POLR1A: variants seen among roughly 807,000 people sequenced by gnomAD.
POLR1A encodes DNA-directed RNA polymerase I subunit RPA1.
A neutral mutation model predicts 205.3 loss-of-function variants in POLR1A; 84 were observed. The ratio of observed to expected loss-of-function variants is 0.41; its 90% CI spans 0.34 to 0.49. POLR1A has a LOEUF of 0.49. Ranked by LOEUF, POLR1A falls within the 20% of genes least tolerant of loss-of-function variation. The pLI, the probability that POLR1A is intolerant of heterozygous loss-of-function variation, is 0.22. For missense variants in POLR1A, 1,645 were observed against 2,204.5 expected (o/e 0.75, Z 5.08); for synonymous variants, 799 against 863.7 (o/e 0.93, Z 1.31).
chr2:86,040,269 T>C, intron 25 of POLR1A, 123 bp downstream of exon 25: 1 of 779,456 alleles, frequency 1.3e-6, no homozygotes. Flanking sequence ...TGAGACCCTG[T>C]CCCTCTCTCA....
chr2:86,086,979 A>T (rs963779388), intron 6 of POLR1A, among the ~76,000 whole-genome samples: 3 of 152,254 alleles, frequency 2.0e-5, no homozygotes, highest in Admixed American at 6.5e-5. Flanking sequence ...AAAATTAAAA[A>T]GGCTTTCTAA....
In POLR1A at chr2:86,028,940, A is replaced by G. The variant is rs944614720; in HGVS notation, c.4780-229T>C. 2.5e-5 allele frequency: 13 copies of G among 522,092 alleles called. No homozygotes were observed. The highest frequency in any genetic ancestry group is 2.4e-5 in the Non-Finnish European group (7 of 290,020). The allele number at this position is 522,092 out of a possible 1,614,324, so 32.3% of individuals were successfully genotyped here. On this transcript the variant is annotated intron_variant, in intron 31 of 33. Coordinates refer to ENST00000263857, the MANE Select transcript of POLR1A (RefSeq NM_015425.6). The surrounding 1 kb of genome is among the most constrained non-coding windows in gnomAD (Gnocchi z 4.5). ...GTCTGTATCGTCATTACAAGAATCC[A>G]GCGTGTCCACTTTGGACACGCTTTA... is the stretch of plus-strand genomic sequence containing the variant.
rs772209559 is a variant in POLR1A at position 86,028,254 on chromosome 2, G to A, written c.4898-205C>T. Among the ~76,000 whole-genome samples the A allele has an allele frequency of 1.3e-5, 2 of 152,126 alleles. No individual in the cohort carries two copies. Among genetic ancestry groups the A allele is most frequent in the African/African-American group, 4.8e-5 (2 of 41,410 alleles). ...CCCTGACCCCTGCATCCTGCTTCCC[G>A]CTTCCTTCCAGCAGCACAGGAAATG... is the stretch of plus-strand genomic sequence containing the variant. On this transcript the variant is annotated intron_variant, in intron 32 of 33. Coordinates refer to ENST00000263857, the MANE Select transcript of POLR1A (RefSeq NM_015425.6). The surrounding 1 kb of genome is among the most constrained non-coding windows in gnomAD (Gnocchi z 4.5).
chr2:86,030,332 G>A lies in POLR1A; in HGVS notation c.4643C>T (p.Ala1548Val), dbSNP rs1160505056. 1.2e-6 allele frequency: 2 copies of A among 1,614,016 alleles called. No homozygotes were observed. The highest frequency in any genetic ancestry group is 8.5e-7 in the Non-Finnish European group (1 of 1,179,872). The stretch of plus-strand genomic sequence containing the variant: ...GGTCGCATAGATGACGGCACCATGG[G>A]CCAAAGATACTACCAGGGAGCTCAT... Reference protein sequence around the residue: ...FDMSSLVVSLAHGAVIYATKG... With the variant: ...FDMSSLVVSLVHGAVIYATKG... The change falls in exon 31 of 34, where the codon GCC becomes GTC. Residue 1548 changes from alanine to valine, a missense_variant. By Grantham distance (64) the Ala-to-Val change is moderately conservative (BLOSUM62 0). Around this residue, in one of 16 missense-constraint regions of POLR1A, gnomAD observed 394 missense variants for 468.5 expected, o/e 0.84. Transcript: ENST00000263857.
chr2:86,082,827 G>A (rs1436518413), intron 7 of POLR1A, among the ~76,000 whole-genome samples: 2 of 152,154 alleles, frequency 1.3e-5, no homozygotes, highest in Non-Finnish European at 2.9e-5. Context: ...TGTATTAAGT[G>A]AGGCCCACCT....
rs1255464995 is a variant in POLR1A at position 86,097,272 on chromosome 2, G to A, written c.432+1339C>T. Among the ~76,000 whole-genome samples the A allele has an allele frequency of 4.5e-5, 6 of 133,540 alleles. No individual in the cohort carries two copies. The South Asian group carries it at 7.3e-4, about 16-fold the overall frequency. 87.6% of individuals were successfully genotyped at this position (133,540 alleles called of 152,430 possible). On this transcript the variant is annotated intron_variant, in intron 3 of 33. Coordinates refer to ENST00000263857, the MANE Select transcript of POLR1A (RefSeq NM_015425.6). ...ATGCTGGTGAGGATGTGGAGAAAAG[G>A]GAACTCTTATACACTGTTGGTGGGA... is the stretch of plus-strand genomic sequence containing the variant.
At position 86,064,429 on chromosome 2, in the gene POLR1A, G is replaced by C. The variant is rs141388915; in HGVS notation, c.2058+845C>G. On this transcript the variant is annotated intron_variant, in intron 14 of 33. Transcript: ENST00000263857. ...ATATTTTACTGTTTTTCATTATTTG[G>C]TCGCCACATATCATGTAATTTGGTT... 3.6e-4 allele frequency among the ~76,000 whole-genome samples: 55 copies of C among 152,202 alleles called. 1 individual carries two copies. The East Asian group carries it at 7.9e-3, about 22-fold the overall frequency.
At chr2:86,033,841 T>C (rs1158402925) in intron 27 of POLR1A, 54 bp from the exon 28 acceptor site, 35 of 1,599,232 alleles carry the variant, frequency 2.2e-5, no homozygotes, top group Middle Eastern at 3.6e-4. Context: ...TGTCCAGCCC[T>C]ACCCTCATTT....
At chr2:86,086,688 CCAT>C (rs36059162) in intron 6 of POLR1A, among the ~76,000 whole-genome samples, 3,758 of 152,294 alleles carry the variant, frequency 0.025, 135 homozygotes, top group African/African-American at 0.082. Flanking sequence ...TTTGGTTGCA[CCAT>C]CATATTTGCG....
rs772512405 is a variant in POLR1A at position 86,027,085 on chromosome 2, T to C, written c.*338A>G. 17 of 280,168 alleles carry C rather than the reference T, an allele frequency of 6.1e-5. No homozygotes were observed. The Middle Eastern group carries it at 3.5e-3, about 58-fold the overall frequency. 17.4% of individuals were successfully genotyped at this position (280,168 alleles called of 1,614,324 possible). On this transcript the variant is annotated 3_prime_UTR_variant, in exon 34 of 34. Coordinates refer to ENST00000263857, the MANE Select transcript of POLR1A (RefSeq NM_015425.6). ...GCTTCCCCTTGGTCTTCTCAGTGAATCGTGAATCAGGACTTCTCCTTAGGG... is the reference window on the plus strand; with the variant it reads ...GCTTCCCCTTGGTCTTCTCAGTGAACCGTGAATCAGGACTTCTCCTTAGGG...
chr2:86,040,532 C>T lies in POLR1A; in HGVS notation c.3600G>A (p.Trp1200Ter). ...CGCCCGGCTCACACAGTGAGCGCTG[C>T]CACTTCAGCTGCAGCAAGGTCCTCA... is the stretch of plus-strand genomic sequence containing the variant. ...DRLRTLLQLK[W>*]QRSLCEPGEA... is the part of the protein sequence containing the mutation. The change falls in exon 25 of 34, where the codon TGG becomes TGA. Residue 1200 changes from tryptophan to a stop codon, truncating the protein, a stop_gained. Transcript: ENST00000263857. LOFTEE classifies it high-confidence loss of function. 1.3e-6 allele frequency: 2 copies of T among 1,594,870 alleles called. No homozygotes were observed. The highest frequency in any genetic ancestry group is 8.5e-7 in the Non-Finnish European group (1 of 1,170,472).
At chr2:86,080,772 C>G in intron 9 of POLR1A, 44 bp downstream of exon 9, 1 of 1,550,810 alleles carries the variant, frequency 6.4e-7, no homozygotes, top group Non-Finnish European at 8.8e-7. Flanking sequence ...AGAGTTAGCA[C>G]TAAGCATGTG....
rs748228290 is a variant in POLR1A, at chr2:86,045,325, G to A, written c.2922C>T (p.Gly974=). 1 of 1,613,724 alleles carries A rather than the reference G, an allele frequency of 6.2e-7. No individual in the cohort carries two copies. Among genetic ancestry groups the A allele is most frequent in the Admixed American group, 1.7e-5 (1 of 60,002 alleles). Residue 974 remains glycine (G), a synonymous_variant, in exon 21 of 34, where the codon GGC becomes GGT. Coordinates refer to ENST00000263857, the MANE Select transcript of POLR1A (RefSeq NM_015425.6). Reference sequence around the variant, plus strand: ...TGGTTTTCACAGCAGTGTCCACCAGGCCCTCTCGTCCTGCCATGCAGTGGA... The same window carrying A: ...TGGTTTTCACAGCAGTGTCCACCAGACCCTCTCGTCCTGCCATGCAGTGGA... ...FFFHCMAGRE[G]LVDTAVKTSR...
At chr2:86,100,552 T>C (rs980941108) in intron 1 of POLR1A, among the ~76,000 whole-genome samples, 1 of 150,410 alleles carries the variant, frequency 6.6e-6, no homozygotes, top group Non-Finnish European at 1.5e-5. Flanking sequence ...TTTTTTTTTT[T>C]AACAAGGTCT....
chr2:86,068,386 C>CCGGGGGG (rs1553436015), intron 13 of POLR1A, among the ~76,000 whole-genome samples: 1 of 12,240 alleles, frequency 8.2e-5, no homozygotes, highest in East Asian at 3.5e-3. Flanking sequence ...AGCACATGGG[C>CCGGGGGG]GGGGGGGGGG....
At chr2:86,052,091 C>G (rs1435635065) in intron 16 of POLR1A, among the ~76,000 whole-genome samples, 1 of 152,190 alleles carries the variant, frequency 6.6e-6, no homozygotes, top group Admixed American at 6.5e-5. Context: ...ATTACAGGTG[C>G]TTGCCACGAC....
chr2:86,102,274 CT>C (rs1296147537), intron 1 of POLR1A, among the ~76,000 whole-genome samples: 1 of 152,226 alleles, frequency 6.6e-6, no homozygotes, highest in Non-Finnish European at 1.5e-5. Flanking sequence ...AAAGCTTCCA[CT>C]TTCTCCACAC....
At chr2:86,104,006 G>T (rs967062642) in intron 1 of POLR1A, among the ~76,000 whole-genome samples, 4 of 152,226 alleles carry the variant, frequency 2.6e-5, no homozygotes, top group African/African-American at 9.7e-5. Flanking sequence ...CTGAAGAAGG[G>T]ATGATGTTAT....
At chr2:86,056,661 T>C (rs1053447246) in intron 14 of POLR1A, among the ~76,000 whole-genome samples, 1 of 152,182 alleles carries the variant, frequency 6.6e-6, no homozygotes, top group African/African-American at 2.4e-5. Context: ...TAGGGGCTAA[T>C]GCAGCTGGTG....
Sources: gnomAD v4.1 joint callset for allele counts (sites outside exome capture counted in the v4.1 genomes callset) on GRCh38, gnomAD v4.1.1 for gene constraint, gnomAD v4.1.1 regional missense constraint, Gnocchi (gnomAD v3.1) non-coding constraint, MANE v1.5 for transcripts, NCBI Gene and HGNC (gene_info 2026-07-23, HGNC 2026-07-21) for gene names.